Variants in CAB39L observed in about 807,000 individuals in gnomAD.
CAB39L encodes the protein calcium binding protein 39 like, also known as calcium-binding protein 39-like.
CAB39L carries 23 observed loss-of-function variants against 39.1 expected under a neutral mutation model. That is an observed-to-expected ratio of 0.59 (90% confidence interval 0.42 to 0.83). The LOEUF (loss-of-function observed/expected upper bound fraction) is 0.83, where lower values mean the gene tolerates loss of function less well. Among genes scored for constraint, CAB39L ranks in the 40% least tolerant of loss-of-function variants. The pLI is 0.00. For missense variants in CAB39L, 366 were observed against 391.9 expected (o/e 0.93, Z 0.56); for synonymous variants, 126 against 137.2 (o/e 0.92, Z 0.57).
intron 5 of CAB39L, among the ~76,000 whole-genome samples, chr13:49,365,633 C>T (rs992052944): frequency 2.6e-5 from 4 of 152,136 alleles, no homozygotes; most frequent in Non-Finnish European, 5.9e-5. Flanking sequence ...TTCATGTAAA[C>T]GTCAGGTAAC....
intron 3 of CAB39L, among the ~76,000 whole-genome samples, chr13:49,403,995 T>C (rs1161790888): frequency 6.6e-6 from 1 of 152,236 alleles, no homozygotes; most frequent in African/African-American, 2.4e-5. Flanking sequence ...ATACTATATA[T>C]ACTATATTTA....
intron 3 of CAB39L, among the ~76,000 whole-genome samples, chr13:49,390,392 G>GT (rs1956462666): frequency 6.6e-6 from 1 of 152,112 alleles, no homozygotes; most frequent in Admixed American, 6.6e-5. Flanking sequence ...GATAATAGGC[G>GT]TGAGCCACTG....
intron 1 of CAB39L, among the ~76,000 whole-genome samples, chr13:49,441,345 CAGG>C (rs1186129153): frequency 6.6e-6 from 1 of 151,412 alleles, no homozygotes; most frequent in African/African-American, 2.4e-5. Flanking sequence ...GAAGCCAAAG[CAGG>C]AGGATCACTG....
chr13:49,419,768 C>G (rs572774942), intron 3 of CAB39L, among the ~76,000 whole-genome samples: 1 of 152,030 alleles, frequency 6.6e-6, no homozygotes, highest in Non-Finnish European at 1.5e-5. Context: ...AAACTTTAAC[C>G]GGGATTTTAT....
intron 10 of CAB39L, among the ~76,000 whole-genome samples, chr13:49,322,885 G>A (rs1002865671): frequency 1.3e-5 from 2 of 152,204 alleles, no homozygotes; most frequent in African/African-American, 4.8e-5. Context: ...TTTATTTATA[G>A]TCACTCTCCG....
chr13:49,314,162 C>T (rs1031407209), intron 10 of CAB39L, among the ~76,000 whole-genome samples: 12 of 152,046 alleles, frequency 7.9e-5, no homozygotes, highest in African/African-American at 1.7e-4. Context: ...CGGGACAGGA[C>T]GTGGGAGCAA....
chr13:49,314,256 T>G (rs1337770841), intron 10 of CAB39L, among the ~76,000 whole-genome samples: 1 of 152,028 alleles, frequency 6.6e-6, no homozygotes. Context: ...TCCTACATGT[T>G]AGCAGTGTGT....
At chr13:49,401,530 C>T (rs1170538042) in intron 3 of CAB39L, 2 of 147,724 alleles carry the variant, frequency 1.4e-5, no homozygotes, top group African/African-American at 5.0e-5. Flanking sequence ...CTCTCTAACA[C>T]TTGCTTTCAG....
At position 49,422,946 on chromosome 13, in the gene CAB39L, T is replaced by C. The variant is rs74074079; in HGVS notation, c.-32+10372A>G. ...TTATGAATGAGATGATACTAGGTCATTTTTAAGAACACTAGAAAATGTTAT... is the reference window on the plus strand; with the variant it reads ...TTATGAATGAGATGATACTAGGTCACTTTTAAGAACACTAGAAAATGTTAT... On this transcript the variant is annotated intron_variant, in intron 3 of 10. Coordinates refer to ENST00000409308, the MANE Select transcript of CAB39L (RefSeq NM_001079670.3). Among the ~76,000 whole-genome samples the C allele has an allele frequency of 9.4e-3, 1,435 of 152,306 alleles. 19 individuals are homozygous for C. Among genetic ancestry groups the C allele is most frequent in the African/African-American group, 0.032 (1,331 of 41,558 alleles).
intron 10 of CAB39L, among the ~76,000 whole-genome samples, chr13:49,315,959 AG>A (rs1015823913): frequency 7.2e-5 from 11 of 152,144 alleles, no homozygotes; most frequent in African/African-American, 2.6e-4. Flanking sequence ...TTAAGGAACT[AG>A]GAAGAGAAGA....
intron 3 of CAB39L, among the ~76,000 whole-genome samples, chr13:49,403,781 C>CA (rs917058830): frequency 5.3e-5 from 8 of 151,296 alleles, no homozygotes; most frequent in African/African-American, 1.9e-4. Flanking sequence ...GCAACAACAA[C>CA]AAAAAAACCC....
chr13:49,441,195 T>C (rs1425141601), intron 1 of CAB39L, among the ~76,000 whole-genome samples: 1 of 142,730 alleles, frequency 7.0e-6, no homozygotes. Flanking sequence ...TGGCTTATTT[T>C]GATGATTTTC....
At chr13:49,323,847 A>G (rs1954424167) in intron 10 of CAB39L, among the ~76,000 whole-genome samples, 2 of 152,176 alleles carry the variant, frequency 1.3e-5, no homozygotes, top group African/African-American at 4.8e-5. Context: ...AGGATGCCCC[A>G]TTAAATTCTG....
rs542405991 is a variant in CAB39L, at chr13:49,385,867, A to G, written c.-31-2926T>C. Reference sequence around the variant, plus strand: ...GATCACAGATCACCACAACATATGTACTAACAATGAAAAAGTTTGAAATAT... The same window carrying G: ...GATCACAGATCACCACAACATATGTGCTAACAATGAAAAAGTTTGAAATAT... On this transcript the variant is annotated intron_variant, in intron 3 of 10. Transcript: ENST00000409308. Among the ~76,000 whole-genome samples, 3 of 152,350 alleles carry G rather than the reference A, an allele frequency of 2.0e-5. No homozygotes were observed. In the East Asian group the frequency reaches 5.8e-4, roughly 29 times the overall value.
At chr13:49,370,937 T>C (rs1253132021) in intron 5 of CAB39L, among the ~76,000 whole-genome samples, 1 of 152,132 alleles carries the variant, frequency 6.6e-6, no homozygotes, top group East Asian at 1.9e-4. Context: ...GACATAGTAT[T>C]TCCCTACCTG....
rs914205732 is a variant in CAB39L, at chr13:49,309,638, C to T, written c.*1176G>A. On this transcript the variant is annotated 3_prime_UTR_variant, in exon 11 of 11. Transcript: ENST00000409308. ...TTTTAAAATATTTTTGATTCCAAGC[C>T]TTTTTATAAGGAAGAGGAATTAACA... The T allele has an allele frequency of 4.6e-5, 7 of 152,094 alleles. No homozygotes were observed. The highest frequency in any genetic ancestry group is 4.1e-4 in the South Asian group (2 of 4,826). The allele number at this position is 152,094 out of a possible 1,614,324, so 9.4% of individuals were successfully genotyped here. A position where few individuals can be genotyped will look rare whatever the true frequency, so the allele number is the denominator to read the frequency against.
At chr13:49,436,458 C>G (rs1017342266) in intron 1 of CAB39L, among the ~76,000 whole-genome samples, 1 of 150,228 alleles carries the variant, frequency 6.7e-6, no homozygotes, top group Non-Finnish European at 1.5e-5. Flanking sequence ...TTTTCATTAT[C>G]TTGGTTGTTT....
chr13:49,405,088 C>T (rs1956843358), intron 3 of CAB39L, among the ~76,000 whole-genome samples: 1 of 151,992 alleles, frequency 6.6e-6, no homozygotes, highest in Non-Finnish European at 1.5e-5. Flanking sequence ...TTATAGAACA[C>T]TAAGCAGATT....
Position 49,398,803 on chromosome 13 carries a change from A to G in CAB39L, c.-31-15862T>C, listed in dbSNP as rs1444982307. 4.5e-4 allele frequency among the ~76,000 whole-genome samples: 69 copies of G among 152,200 alleles called. 1 individual carries two copies. Among genetic ancestry groups the G allele is most frequent in the South Asian group, 2.1e-4 (1 of 4,830 alleles). On this transcript the variant is annotated intron_variant, in intron 3 of 10. Coordinates refer to ENST00000409308, the MANE Select transcript of CAB39L (RefSeq NM_001079670.3). The stretch of plus-strand genomic sequence containing the variant: ...TTCCAAATAAGTCACATTTCTTCAT[A>G]TGGGTCCTAGTAAACATTTGCAAAT...
Sources: gnomAD v4.1 joint callset for allele counts (sites outside exome capture counted in the v4.1 genomes callset) on GRCh38, gnomAD v4.1.1 for gene constraint, MANE v1.5 for transcripts, NCBI Gene and HGNC (gene_info 2026-07-23, HGNC 2026-07-21) for gene names.